The following SCN2A variants were observed in gnomAD, a reference collection of about 807,000 sequenced individuals.
The protein encoded by SCN2A is sodium voltage-gated channel alpha subunit 2.
Under a neutral mutation model 188.7 loss-of-function variants are expected in SCN2A, and 20 were observed. The ratio of observed to expected loss-of-function variants is 0.11; its 90% CI spans 0.07 to 0.15. SCN2A has a LOEUF of 0.15. SCN2A is among the 10% of genes least tolerant of loss of function. SCN2A has a pLI of 1.00. For synonymous variants in SCN2A, 804 were observed against 833.1 expected, an observed-to-expected ratio of 0.97 and a Z score of 0.60; for missense variants, 1,278 against 2,445.0, an observed-to-expected ratio of 0.52 and a Z score of 10.07.
intron 14 of SCN2A, among the ~76,000 whole-genome samples, chr2:165,338,721 A>G (rs1559372674): frequency 6.6e-6 from 1 of 152,224 alleles, no homozygotes; most frequent in Non-Finnish European, 1.5e-5. Flanking sequence ...TGTGGGGATT[A>G]TCTCAGAAAA....
At chr2:165,308,368 G>C (rs1697251226) in intron 4 of SCN2A, among the ~76,000 whole-genome samples, 5 of 151,858 alleles carry the variant, frequency 3.3e-5, no homozygotes, top group African/African-American at 1.2e-4. Flanking sequence ...ATACCTATTT[G>C]CTCAAATCGG....
chr2:165,291,352 G>GTTCCTTCCTTCC (rs756578383), intron 1 of SCN2A, among the ~76,000 whole-genome samples: 3 of 56,062 alleles, frequency 5.4e-5, no homozygotes, highest in African/African-American at 1.7e-4. Context: ...TCTGTCGTTC[G>GTTCCTTCCTTCC]TTCCTTCCTT....
chr2:165,370,374 G>A (rs1390018401), intron 20 of SCN2A, 75 bp downstream of exon 20: 4 of 1,413,384 alleles, frequency 2.8e-6, no homozygotes, highest in Non-Finnish European at 4.0e-6. Flanking sequence ...CTGACACAGT[G>A]TAGGCACTCA....
At chr2:165,345,969 G>A (rs1490143441) in intron 16 of SCN2A, among the ~76,000 whole-genome samples, 1 of 152,070 alleles carries the variant, frequency 6.6e-6, no homozygotes, top group East Asian at 1.9e-4. Flanking sequence ...TGCTTATGAA[G>A]CTTAGTTTGG....
At chr2:165,276,377 C>T (rs574744786) in intron 1 of SCN2A, among the ~76,000 whole-genome samples, 23 of 151,382 alleles carry the variant, frequency 1.5e-4, no homozygotes, top group African/African-American at 5.1e-4. Flanking sequence ...AAGTGCCTGG[C>T]CCTCCAAGGT....
At chr2:165,290,968 C>CCAGTAAT (rs1171840955) in intron 1 of SCN2A, among the ~76,000 whole-genome samples, 2 of 151,870 alleles carry the variant, frequency 1.3e-5, no homozygotes, top group Admixed American at 1.3e-4. Context: ...CCCCCTTATT[C>CCAGTAAT]CAGTAATAGT....
chr2:165,363,776 A>T (rs1173385426), intron 17 of SCN2A, among the ~76,000 whole-genome samples: 1 of 152,138 alleles, frequency 6.6e-6, no homozygotes, highest in Non-Finnish European at 1.5e-5. Context: ...CTTATAATAT[A>T]TAATCTTTGA....
chr2:165,284,059 T>TTC lies in SCN2A; in HGVS notation c.-51-11700_-51-11699dup, dbSNP rs559782741. Among the ~76,000 whole-genome samples, 1,015 of 150,868 alleles carry TTC rather than the reference T, an allele frequency of 6.7e-3. 13 individuals carry two copies. Among genetic ancestry groups the TTC allele is most frequent in the African/African-American group, 0.022 (921 of 41,182 alleles). ...CCTCTCTAGTTCTCTCTCTCTCTCT[T>TTC]TCTCTCTCTCTCTCTGTCTGTTTTT... On this transcript the variant is annotated intron_variant, in intron 1 of 26. Transcript: ENST00000375437.
At chr2:165,247,415 A>G (rs898984041) in intron 1 of SCN2A, among the ~76,000 whole-genome samples, 4 of 152,074 alleles carry the variant, frequency 2.6e-5, no homozygotes, top group South Asian at 4.1e-4. Flanking sequence ...CATTTCACCA[A>G]ATCAGCTCCT....
Position 165,313,948 on chromosome 2 carries a change from T to G in SCN2A, c.1223T>G (p.Val408Gly). The G allele has an allele frequency of 1.2e-6, 2 of 1,613,912 alleles. No individual in the cohort carries two copies. The highest frequency in any genetic ancestry group is 1.7e-6 in the Non-Finnish European group (2 of 1,179,812). Reference sequence around the variant, plus strand: ...ACGTACATGATATTTTTTGTGCTGGTCATTTTCTTGGGCTCATTCTATCTA... The same window carrying G: ...ACGTACATGATATTTTTTGTGCTGGGCATTTTCTTGGGCTCATTCTATCTA... The part of the protein sequence containing the change: ...GKTYMIFFVL[V>G]IFLGSFYLIN... The change falls in exon 10 of 27, where the codon GTC becomes GGC. Residue 408 changes from valine (V) to glycine (G), a missense_variant. Val to Gly is a moderately radical substitution (Grantham distance 109, BLOSUM62 -3). This residue lies in a region of SCN2A where 42 missense variants were observed against 137.3 expected (regional missense o/e 0.31). Transcript: ENST00000375437.
intron 1 of SCN2A, chr2:165,272,275 T>A (rs1292767823): frequency 6.6e-6 from 1 of 152,056 alleles, no homozygotes; most frequent in Non-Finnish European, 1.5e-5. Context: ...AAAATGGTCA[T>A]TTTATTGGGG....
intron 18 of SCN2A, 68 bp from the exon 19 acceptor site, chr2:165,367,149 C>G: frequency 6.8e-7 from 1 of 1,464,374 alleles, no homozygotes; most frequent in Non-Finnish European, 9.5e-7. Flanking sequence ...AAATGAATCT[C>G]CCACCAACAC....
At chr2:165,312,813 A>G (rs1272294885) in intron 8 of SCN2A, among the ~76,000 whole-genome samples, 4 of 152,146 alleles carry the variant, frequency 2.6e-5, no homozygotes, top group Admixed American at 1.3e-4. Flanking sequence ...CAAAAGTCTA[A>G]TGCACTTTCT....
Position 165,370,012 on chromosome 2 carries a change from A to G in SCN2A, c.3676-114A>G, listed in dbSNP as rs959092632. 9.3e-6 allele frequency: 8 copies of G among 862,952 alleles called. No individual in the cohort carries two copies. The East Asian group carries it at 1.3e-4, about 14-fold the overall frequency. The allele number at this position is 862,952 out of a possible 1,614,324, so 53.5% of individuals were successfully genotyped here. On this transcript the variant is annotated intron_variant, in intron 19 of 26. Transcript: ENST00000375437. ...GTAAAATTCAGCCATGGGAAACATT[A>G]AACCTTCCAGCCTTAGGCACCTGAT...
intron 14 of SCN2A, among the ~76,000 whole-genome samples, chr2:165,331,852 C>T (rs1455364965): frequency 6.6e-6 from 1 of 152,042 alleles, no homozygotes; most frequent in East Asian, 1.9e-4. Flanking sequence ...AAAATTCTGA[C>T]ATATTTTTAA....
intron 1 of SCN2A, among the ~76,000 whole-genome samples, chr2:165,291,496 TTTC>T (rs1696167311): frequency 7.7e-5 from 2 of 26,080 alleles, no homozygotes; most frequent in Non-Finnish European, 1.8e-4. Context: ...CTTTCTTTTC[TTTC>T]TTTCTTTCTT....
intron 1 of SCN2A, among the ~76,000 whole-genome samples, chr2:165,290,083 T>G (rs894129987): frequency 1.3e-5 from 2 of 152,152 alleles, no homozygotes; most frequent in South Asian, 4.1e-4. Flanking sequence ...TCCTGTTTCT[T>G]TATTTTTTAA....
chr2:165,342,851 A>C (rs1240084233), intron 15 of SCN2A, among the ~76,000 whole-genome samples: 1 of 152,172 alleles, frequency 6.6e-6, no homozygotes, highest in Non-Finnish European at 1.5e-5. Flanking sequence ...GGAACTAAAG[A>C]ATTATGGAAT....
Position 165,390,275 on chromosome 2 carries a change from T to C in SCN2A, c.*451T>C. On this transcript the variant is annotated 3_prime_UTR_variant, in exon 27 of 27. Transcript: ENST00000375437. The stretch of plus-strand genomic sequence containing the variant: ...TTAATTCACAGGTTGTTTACTATTA[T>C]ATGTGACTATTTTTGTAAATGGGTT... 5.5e-6 allele frequency: 1 copy of C among 180,438 alleles called. No individual in the cohort carries two copies. The highest frequency in any genetic ancestry group is 2.4e-5 in the African/African-American group (1 of 41,882). The allele number at this position is 180,438 out of a possible 1,614,324, so 11.2% of individuals were successfully genotyped here.
Sources: gnomAD v4.1 joint callset for allele counts (sites outside exome capture counted in the v4.1 genomes callset) on GRCh38, gnomAD v4.1.1 for gene constraint, gnomAD v4.1.1 regional missense constraint, MANE v1.5 for transcripts, NCBI Gene and HGNC (gene_info 2026-07-23, HGNC 2026-07-21) for gene names.